ZNF280C: variants seen among roughly 807,000 people sequenced by gnomAD.
The protein encoded by ZNF280C is zinc finger protein 280C, also known as suppressor of hairy wing homolog 3.
Under a neutral mutation model 53.6 loss-of-function variants are expected in ZNF280C, and 14 were observed. The observed-to-expected ratio is 0.26, with a 90% confidence interval of 0.17 to 0.41. The LOEUF (loss-of-function observed/expected upper bound fraction) is 0.41, where lower values mean the gene tolerates loss of function less well. ZNF280C is among the 10% of genes least tolerant of loss of function. The pLI, the probability that ZNF280C is intolerant of heterozygous loss-of-function variation, is 1.00. For synonymous variants in ZNF280C, 203 were observed against 181.1 expected (o/e 1.12, Z -0.97); for missense variants, 416 against 547.1 (o/e 0.76, Z 2.39).
Position 130,251,282 on chromosome X carries a change from C to CAAAAAAAAAAAAAAAAAA in ZNF280C, c.32-4295_32-4278dup, listed in dbSNP as rs61571389. Among the ~76,000 whole-genome samples the CAAAAAAAAAAAAAAAAAA allele has an allele frequency of 1.2e-3, 18 of 15,339 alleles. 5 individuals carry two copies. Among genetic ancestry groups the CAAAAAAAAAAAAAAAAAA allele is most frequent in the African/African-American group, 2.3e-3 (6 of 2,590 alleles). 13.3% of individuals were successfully genotyped at this position (15,339 alleles called of 115,157 possible). On this transcript the variant is annotated intron_variant, in intron 2 of 18. Transcript: ENST00000370978. ...AGGCAAACGCAGTAAGGACCTGTCTCAAAAAAAAAAAAAAAAAAAAAAAAA... is the reference window on the plus strand; with the variant it reads ...AGGCAAACGCAGTAAGGACCTGTCTCAAAAAAAAAAAAAAAAAAAAAAAAAAAAAAAAAAAAAAAAAAA...
Position 130,259,352 on chromosome X carries a change from C to T in ZNF280C, c.31+1067G>A, listed in dbSNP as rs184026675. On this transcript the variant is annotated intron_variant, in intron 2 of 18. Transcript: ENST00000370978. ...GCCAGATTTAAAGAAACAAGGGAGA[C>T]TCATATATACTGATGATTGAAAAAG... 4.6e-3 allele frequency among the ~76,000 whole-genome samples: 521 copies of T among 112,138 alleles called. 2 individuals carry two copies. Among genetic ancestry groups the T allele is most frequent in the African/African-American group, 0.016 (480 of 30,918 alleles).
intron 3 of ZNF280C, among the ~76,000 whole-genome samples, chrX:130,245,182 A>AG (rs1446718058): frequency 1.8e-5 from 2 of 111,855 alleles, no homozygotes; most frequent in African/African-American, 6.5e-5. Context: ...TAGAAAAGAA[A>AG]TTCTAGTGGG....
intron 12 of ZNF280C, among the ~76,000 whole-genome samples, chrX:130,225,146 T>G (rs1569434206): frequency 1.8e-5 from 2 of 111,315 alleles, no homozygotes; most frequent in East Asian, 2.8e-4. Context: ...TCATTATGTC[T>G]TTCTTACCTT....
intron 12 of ZNF280C, among the ~76,000 whole-genome samples, chrX:130,222,504 T>C (rs765169850): frequency 1.8e-5 from 2 of 111,642 alleles, no homozygotes; most frequent in African/African-American, 6.5e-5. Context: ...GCAGGCACAA[T>C]TTAACTAGTT....
chrX:130,218,828 G>A (rs1706196943), intron 13 of ZNF280C, among the ~76,000 whole-genome samples: 1 of 111,388 alleles, frequency 9.0e-6, no homozygotes. Context: ...TGTATGGAAA[G>A]GCACACCGAA....
chrX:130,224,810 C>G (rs2032203649), intron 12 of ZNF280C, among the ~76,000 whole-genome samples: 1 of 111,643 alleles, frequency 9.0e-6, no homozygotes, highest in South Asian at 3.7e-4. Context: ...CCTCCCACTG[C>G]AAGAAAAGCA....
At chrX:130,234,170 A>G (rs1272097459) in intron 8 of ZNF280C, among the ~76,000 whole-genome samples, 1 of 112,196 alleles carries the variant, frequency 8.9e-6, no homozygotes, top group Non-Finnish European at 1.9e-5. Flanking sequence ...AAAGAACAAA[A>G]ACAAAGTGAT....
chrX:130,234,989 T>A (rs604905), intron 8 of ZNF280C, among the ~76,000 whole-genome samples: 53,005 of 109,445 alleles, frequency 0.48, 9,916 homozygotes, highest in African/African-American at 0.68. Flanking sequence ...AAGACTAAGG[T>A]TTTCATAGGG....
chrX:130,228,619 T>A (rs1473864566), intron 10 of ZNF280C, among the ~76,000 whole-genome samples: 3 of 24,197 alleles, frequency 1.2e-4, no homozygotes, highest in Non-Finnish European at 1.7e-4. Flanking sequence ...TTCTTCTACT[T>A]TTTTTTTTTT....
rs376223788 is a variant in ZNF280C, at chrX:130,220,433, G to C, written c.1443C>G (p.Thr481=). ...RCPKCRLQFL[T]SKEKAEHKAQ... is the part of the protein sequence containing the mutation. ...CCTTATGTTCAGCTTTCTCCTTGCT[G>C]GTCAAAAATTGTAGTCTGCATTTTG... The change falls in exon 13 of 19, where the codon ACC becomes ACG. Residue 481 remains threonine, a synonymous_variant. Coordinates refer to ENST00000370978, the MANE Select transcript of ZNF280C (RefSeq NM_017666.5). 3 of 1,200,720 alleles carry C rather than the reference G, an allele frequency of 2.5e-6. No individual in the cohort carries two copies. The highest frequency in any genetic ancestry group is 3.5e-5 in the African/African-American group (2 of 56,930).
intron 6 of ZNF280C, among the ~76,000 whole-genome samples, chrX:130,238,853 A>C (rs2032360283): frequency 1.8e-5 from 2 of 111,497 alleles, no homozygotes; most frequent in Admixed American, 1.9e-4. Flanking sequence ...TACATATGCA[A>C]AAAAATTGTG....
At chrX:130,220,771 T>C (rs2032154713) in intron 12 of ZNF280C, among the ~76,000 whole-genome samples, 1 of 111,282 alleles carries the variant, frequency 9.0e-6, no homozygotes, top group Non-Finnish European at 1.9e-5. Flanking sequence ...TCCCAATCTA[T>C]TGTTTGAGAA....
chrX:130,216,773 C>A (rs551817420), intron 13 of ZNF280C, among the ~76,000 whole-genome samples: 2 of 111,312 alleles, frequency 1.8e-5, no homozygotes, highest in Admixed American at 9.5e-5. Flanking sequence ...CCGAGGTGGG[C>A]GGATCACTTG....
chrX:130,241,636 A>C, intron 5 of ZNF280C, among the ~76,000 whole-genome samples: 1 of 111,735 alleles, frequency 8.9e-6, no homozygotes, highest in Non-Finnish European at 1.9e-5. Flanking sequence ...ATGGTGGTGC[A>C]TGCCTGTAGT....
chrX:130,255,706 G>A (rs1157470969), intron 2 of ZNF280C, among the ~76,000 whole-genome samples: 7 of 111,570 alleles, frequency 6.3e-5, no homozygotes. Flanking sequence ...TGTAATCCCA[G>A]CACTTTCGGA....
intron 9 of ZNF280C, among the ~76,000 whole-genome samples, chrX:130,230,204 A>G (rs1175954149): frequency 8.9e-6 from 1 of 111,950 alleles, no homozygotes; most frequent in African/African-American, 3.2e-5. Context: ...GCTAGAAAAT[A>G]TAAGTTTTTC....
At position 130,204,959 on chromosome X, in the gene ZNF280C, A is replaced by T. The variant is rs1358722180; in HGVS notation, c.*18T>A. 1 of 1,075,053 alleles carries T rather than the reference A, an allele frequency of 9.3e-7. No homozygotes were observed. The highest frequency in any genetic ancestry group is 1.2e-6 in the Non-Finnish European group (1 of 830,361). 88.6% of individuals were successfully genotyped at this position (1,075,053 alleles called of 1,213,427 possible). A position where few individuals can be genotyped will look rare whatever the true frequency, so the allele number is the denominator to read the frequency against. Reference sequence around the variant, plus strand: ...ACTTGTCTTGCACCAGGTTGCATGAACTCCATGGAGCAGGAATCTATTTCA... The same window carrying T: ...ACTTGTCTTGCACCAGGTTGCATGATCTCCATGGAGCAGGAATCTATTTCA... On this transcript the variant is annotated 3_prime_UTR_variant, in exon 19 of 19. Coordinates refer to ENST00000370978, the MANE Select transcript of ZNF280C (RefSeq NM_017666.5).
intron 1 of ZNF280C, among the ~76,000 whole-genome samples, chrX:130,265,764 T>C (rs1369722506): frequency 8.9e-6 from 1 of 112,459 alleles, no homozygotes; most frequent in African/African-American, 3.2e-5. Flanking sequence ...ACTGTGAACA[T>C]TAAATAAAGC....
At chrX:130,230,463 G>A (rs2032265608) in intron 9 of ZNF280C, 47 bp downstream of exon 9, 3 of 925,467 alleles carry the variant, frequency 3.2e-6, no homozygotes, top group Non-Finnish European at 3.0e-6. Flanking sequence ...ATTCTTATCT[G>A]TCATATCCCA....
Sources: gnomAD v4.1 joint callset for allele counts (sites outside exome capture counted in the v4.1 genomes callset) on GRCh38, gnomAD v4.1.1 for gene constraint, MANE v1.5 for transcripts, NCBI Gene and HGNC (gene_info 2026-07-23, HGNC 2026-07-21) for gene names.